The following NCAM2 variants were observed in gnomAD, a reference collection of about 807,000 sequenced individuals.
NCAM2 encodes neural cell adhesion molecule 2.
A neutral mutation model predicts 98.1 loss-of-function variants in NCAM2; 30 were observed. That is an observed-to-expected ratio of 0.31 (90% CI 0.23 to 0.41). The LOEUF is 0.41. Among genes scored for constraint, NCAM2 ranks in the 10% least tolerant of loss-of-function variants. The pLI, the probability that NCAM2 is intolerant of heterozygous loss-of-function variation, is 1.00. For missense variants in NCAM2, 867 were observed against 1,005.8 expected (o/e 0.86, Z 1.87); for synonymous variants, 368 against 342.4 (o/e 1.07, Z -0.83).
intron 1 of NCAM2, among the ~76,000 whole-genome samples, chr21:21,144,526 T>C (rs752827953): frequency 3.3e-5 from 5 of 152,092 alleles, no homozygotes; most frequent in Non-Finnish European, 5.9e-5. Context: ...ATGGTGATCA[T>C]AGATCAGAAG....
intron 9 of NCAM2, among the ~76,000 whole-genome samples, chr21:21,380,105 A>G (rs1352135087): frequency 1.3e-5 from 2 of 152,212 alleles, no homozygotes. Flanking sequence ...TTTCCAGTCC[A>G]CTGACTCAAA....
chr21:21,134,413 C>T (rs1053610508), intron 1 of NCAM2, among the ~76,000 whole-genome samples: 8 of 152,038 alleles, frequency 5.3e-5, no homozygotes. Flanking sequence ...CAGAAGAAGA[C>T]AGTGGAGACC....
chr21:21,190,405 GC>G (rs1435878329), intron 1 of NCAM2, among the ~76,000 whole-genome samples: 1 of 152,070 alleles, frequency 6.6e-6, no homozygotes, highest in Non-Finnish European at 1.5e-5. Context: ...CATCTTCAAT[GC>G]CCAACTTTTT....
chr21:21,293,757 T>A (rs1382092184), intron 5 of NCAM2, among the ~76,000 whole-genome samples: 2 of 151,828 alleles, frequency 1.3e-5, no homozygotes, highest in Non-Finnish European at 2.9e-5. Flanking sequence ...AGTTTGTTAA[T>A]TATTGAATTG....
intron 1 of NCAM2, among the ~76,000 whole-genome samples, chr21:21,027,743 G>A (rs1238839181): frequency 3.3e-5 from 5 of 151,928 alleles, no homozygotes; most frequent in Admixed American, 6.6e-5. Context: ...TAATTACAGA[G>A]CCCATTATGC....
intron 1 of NCAM2, among the ~76,000 whole-genome samples, chr21:21,202,035 A>T (rs1319384680): frequency 6.6e-6 from 1 of 152,132 alleles, no homozygotes; most frequent in Non-Finnish European, 1.5e-5. Flanking sequence ...AGTCTCATGG[A>T]ATCTGGAGTT....
At chr21:21,428,601 G>A (rs1179277495) in intron 11 of NCAM2, among the ~76,000 whole-genome samples, 1 of 152,212 alleles carries the variant, frequency 6.6e-6, no homozygotes, top group Admixed American at 6.5e-5. Flanking sequence ...AAGTCAGATA[G>A]GGCCAGGGCT....
intron 2 of NCAM2, among the ~76,000 whole-genome samples, chr21:21,280,909 G>A (rs2072906711): frequency 6.6e-6 from 1 of 151,930 alleles, no homozygotes; most frequent in Non-Finnish European, 1.5e-5. Context: ...AGCCTCTTCA[G>A]TAGCTGGACT....
chr21:21,531,264 T>C (rs887361608), intron 16 of NCAM2, among the ~76,000 whole-genome samples: 1 of 152,180 alleles, frequency 6.6e-6, no homozygotes, highest in Non-Finnish European at 1.5e-5. Flanking sequence ...GTTTATGAAT[T>C]TCATAAATTT....
chr21:21,363,969 G>C (rs936562032), intron 8 of NCAM2, among the ~76,000 whole-genome samples: 1 of 151,960 alleles, frequency 6.6e-6, no homozygotes, highest in African/African-American at 2.4e-5. Context: ...ATCACAAAAA[G>C]CTTGATTTGT....
Position 21,109,380 on chromosome 21 carries a change from T to A in NCAM2, c.55+110762T>A, listed in dbSNP as rs1033964376. 1.1e-4 allele frequency among the ~76,000 whole-genome samples: 16 copies of A among 152,260 alleles called. No homozygotes were observed. The South Asian group carries it at 3.3e-3, about 32-fold the overall frequency. ...TCCATGAATTAGCTTTCACAGGATA[T>A]GATTATCAACATCTCATGTACCCCA... On this transcript the variant is annotated intron_variant, in intron 1 of 17. Transcript: ENST00000400546.
At chr21:21,089,873 A>G (rs2065976724) in intron 1 of NCAM2, among the ~76,000 whole-genome samples, 1 of 152,204 alleles carries the variant, frequency 6.6e-6, no homozygotes, top group African/African-American at 2.4e-5. Context: ...CTGGTTTAAA[A>G]ATGGCCACTC....
At chr21:21,031,399 C>T (rs2064678833) in intron 1 of NCAM2, among the ~76,000 whole-genome samples, 2 of 152,166 alleles carry the variant, frequency 1.3e-5, no homozygotes, top group Admixed American at 1.3e-4. Flanking sequence ...AGAGCTTCAC[C>T]TGCTACTTGG....
chr21:21,501,238 T>C (rs1444915029), intron 15 of NCAM2, among the ~76,000 whole-genome samples: 3 of 151,980 alleles, frequency 2.0e-5, no homozygotes, highest in Non-Finnish European at 4.4e-5. Context: ...ACAAGAAGCG[T>C]TGTATAAATC....
chr21:21,232,439 AATC>A (rs1156248667), intron 1 of NCAM2, among the ~76,000 whole-genome samples: 2 of 151,630 alleles, frequency 1.3e-5, no homozygotes, highest in Admixed American at 6.6e-5. Context: ...ATCAGTTAAT[AATC>A]ATTTTTGAGT....
chr21:21,210,963 C>CA, intron 1 of NCAM2, among the ~76,000 whole-genome samples: 1 of 127,140 alleles, frequency 7.9e-6, no homozygotes, highest in South Asian at 2.7e-4. Flanking sequence ...TAATACTCTC[C>CA]CCAAACACAC....
chr21:21,133,666 G>A (rs1366326352), intron 1 of NCAM2, among the ~76,000 whole-genome samples: 3 of 152,126 alleles, frequency 2.0e-5, no homozygotes, highest in Non-Finnish European at 4.4e-5. Context: ...AGATCTCATA[G>A]AATTATTCTC....
At chr21:21,059,798 A>G (rs1304555000) in intron 1 of NCAM2, among the ~76,000 whole-genome samples, 1 of 152,076 alleles carries the variant, frequency 6.6e-6, no homozygotes, top group African/African-American at 2.4e-5. Context: ...TGGGGTGCCA[A>G]TAGTATGTAG....
rs78656297 is a variant in NCAM2 at position 21,528,762 on chromosome 21, C to A, written c.2283-5775C>A. On this transcript the variant is annotated intron_variant, in intron 16 of 17. Coordinates refer to ENST00000400546, the MANE Select transcript of NCAM2 (RefSeq NM_004540.5). ...AATATTTATCATTACTCCATGACAA[C>A]CACACATTTATCACCTGAAAGACTG... 5.1e-4 allele frequency among the ~76,000 whole-genome samples: 77 copies of A among 152,088 alleles called. 1 individual carries two copies. The East Asian group carries it at 0.015, about 29-fold the overall frequency.
Sources: gnomAD v4.1 joint callset for allele counts (sites outside exome capture counted in the v4.1 genomes callset) on GRCh38, gnomAD v4.1.1 for gene constraint, MANE v1.5 for transcripts, NCBI Gene and HGNC (gene_info 2026-07-23, HGNC 2026-07-21) for gene names.